HIBCH: variants seen among roughly 807,000 people sequenced by gnomAD.
HIBCH encodes the protein 3-hydroxyisobutyryl-CoA hydrolase.
In HIBCH, 50 loss-of-function variants were observed where a neutral mutation model predicts 58.2. The ratio of observed to expected loss-of-function variants is 0.86; its 90% confidence interval spans 0.68 to 1.09. HIBCH has a LOEUF of 1.09. Among genes scored for constraint, HIBCH ranks in the 50% least tolerant of loss-of-function variants. The pLI is 0.00. For missense variants in HIBCH, 450 were observed against 449.7 expected (o/e 1.00, Z -0.01); for synonymous variants, 151 against 146.9 (o/e 1.03, Z -0.20).
intron 4 of HIBCH, 30 bp from the exon 5 acceptor site, chr2:190,290,515 A>T (rs921488354): frequency 1.4e-6 from 2 of 1,418,084 alleles, no homozygotes; most frequent in African/African-American, 2.8e-5. Context: ...AATAAAAAAA[A>T]AAAGATTTAA....
downstream of HIBCH, chr2:190,199,636 C>CTCAA: frequency 9.3e-7 from 1 of 1,071,860 alleles, no homozygotes; most frequent in Non-Finnish European, 1.2e-6. Context: ...TTACATGCCA[C>CTCAA]TCAATCATAC....
chr2:190,276,848 A>T (rs1411341790), intron 6 of HIBCH, among the ~76,000 whole-genome samples: 5 of 152,218 alleles, frequency 3.3e-5, no homozygotes, highest in Non-Finnish European at 1.5e-5. Context: ...TTACCAATAT[A>T]AAAAACACTG....
intron 11 of HIBCH, among the ~76,000 whole-genome samples, chr2:190,241,887 C>T (rs945115960): frequency 2.6e-5 from 4 of 152,134 alleles, no homozygotes; most frequent in East Asian, 1.9e-4. Context: ...TCTCTGGCTG[C>T]CCTTAACATT....
downstream of HIBCH, chr2:190,200,186 A>G: frequency 1.3e-6 from 2 of 1,569,098 alleles, no homozygotes; most frequent in African/African-American, 1.4e-5. Context: ...TGGAGGTGCT[A>G]GTTTGAATAA....
At chr2:190,290,319 C>T (rs1011795208) in intron 5 of HIBCH, 86 bp downstream of exon 5, 5 of 885,574 alleles carry the variant, frequency 5.6e-6, no homozygotes, top group Non-Finnish European at 7.6e-6. Flanking sequence ...AGTAAGGATG[C>T]CTATTGATTG....
At position 190,204,235 on chromosome 2, in the gene HIBCH, T is replaced by C. The variant is rs1015114629; in HGVS notation, c.*882A>G. 6 of 152,042 alleles carry C rather than the reference T, an allele frequency of 3.9e-5. No individual in the cohort carries two copies. The highest frequency in any genetic ancestry group is 8.8e-5 in the Non-Finnish European group (6 of 67,956). The allele number at this position is 152,042 out of a possible 1,614,324, so 9.4% of individuals were successfully genotyped here. On this transcript the variant is annotated 3_prime_UTR_variant, in exon 14 of 14. Coordinates refer to ENST00000359678, the MANE Select transcript of HIBCH (RefSeq NM_014362.4). ...AAAGTCTTCTTGCTTTCAATTAATT[T>C]TTTTCTCCTGACTTGAACCTTGTTT... is the stretch of plus-strand genomic sequence containing the variant.
At chr2:190,308,301 C>T (rs1192770231) in intron 2 of HIBCH, among the ~76,000 whole-genome samples, 1 of 152,156 alleles carries the variant, frequency 6.6e-6, no homozygotes, top group Non-Finnish European at 1.5e-5. Context: ...AACTCCTCAA[C>T]CTCCATGTAT....
chr2:190,289,498 G>C (rs144291947), intron 5 of HIBCH, among the ~76,000 whole-genome samples: 1 of 152,246 alleles, frequency 6.6e-6, no homozygotes, highest in African/African-American at 2.4e-5. Context: ...GGTTGTTTTT[G>C]AGGAGGGATA....
intron 6 of HIBCH, among the ~76,000 whole-genome samples, chr2:190,261,872 G>C (rs189171215): frequency 2.7e-4 from 41 of 152,222 alleles, no homozygotes; most frequent in Non-Finnish European, 3.8e-4. Flanking sequence ...TTCTCTAAGG[G>C]AATCTGCTCT....
intron 2 of HIBCH, among the ~76,000 whole-genome samples, chr2:190,298,937 G>A (rs1266100955): frequency 6.6e-6 from 1 of 152,100 alleles, no homozygotes; most frequent in African/African-American, 2.4e-5. Context: ...TGTAAGGAAG[G>A]GGTCCAGTTT....
At chr2:190,196,996 T>G (rs1199439420) in intron 1 of HIBCH, among the ~76,000 whole-genome samples, 2 of 152,154 alleles carry the variant, frequency 1.3e-5, no homozygotes, top group Admixed American at 1.3e-4. Flanking sequence ...TGAGCATATA[T>G]GGTGTCTTGT....
At chr2:190,219,563 A>G (rs1395536291) in intron 11 of HIBCH, among the ~76,000 whole-genome samples, 1 of 152,208 alleles carries the variant, frequency 6.6e-6, no homozygotes, top group Admixed American at 6.5e-5. Flanking sequence ...AACTTAGGTC[A>G]TAAGTCAAAT....
intron 6 of HIBCH, among the ~76,000 whole-genome samples, chr2:190,264,759 G>A (rs1687185036): frequency 6.6e-6 from 1 of 152,132 alleles, no homozygotes; most frequent in South Asian, 2.1e-4. Flanking sequence ...TTCTGCATAT[G>A]TTTTGGTGCA....
chr2:190,278,724 G>A (rs1005215913), intron 6 of HIBCH, among the ~76,000 whole-genome samples: 1 of 130,182 alleles, frequency 7.7e-6, no homozygotes, highest in Non-Finnish European at 1.6e-5. Flanking sequence ...GGGCAAAAGA[G>A]TGAGACTCCA....
Position 190,192,452 on chromosome 2 carries a change from CTGTGTGTG to C in HIBCH, c.*18-2463_*18-2456del, listed in dbSNP as rs147936734. Among the ~76,000 whole-genome samples, 985 of 145,354 alleles carry C rather than the reference CTGTGTGTG, an allele frequency of 6.8e-3. 10 individuals are homozygous for C. The highest frequency in any genetic ancestry group is 0.02 in the African/African-American group (770 of 39,066). On this transcript the variant is annotated intron_variant, in intron 1 of 1. Transcript: ENST00000399855. The stretch of plus-strand genomic sequence containing the variant: ...TGTGTTTCCATGTATAATTCAGAAT[CTGTGTGTG>C]TGTGTGTGTGTGTGTGTGTGTGTGT...
chr2:190,261,452 A>G (rs1687086572), intron 6 of HIBCH, among the ~76,000 whole-genome samples: 1 of 152,186 alleles, frequency 6.6e-6, no homozygotes, highest in South Asian at 2.1e-4. Flanking sequence ...ATTTACACAT[A>G]AAGTCTGATC....
chr2:190,270,279 T>TA lies in HIBCH; in HGVS notation c.439-9046_439-9045insT, dbSNP rs1559044891. ...TTTAGTTATTACACCTTTTTTTTTT[T>TA]TAAAAAAAAAGATATTTAAGGTTAT... On this transcript the variant is annotated intron_variant, in intron 6 of 13. Transcript: ENST00000359678. 7.3e-3 allele frequency among the ~76,000 whole-genome samples: 1,079 copies of TA among 148,628 alleles called. 18 individuals carry two copies. Among genetic ancestry groups the TA allele is most frequent in the African/African-American group, 0.024 (964 of 39,352 alleles).
intron 7 of HIBCH, among the ~76,000 whole-genome samples, chr2:190,260,816 TAACTC>T (rs1687066989): frequency 6.6e-6 from 1 of 152,184 alleles, no homozygotes; most frequent in Admixed American, 6.5e-5. Flanking sequence ...ATACAAAAAT[TAACTC>T]AGAAGTGTCA....
In HIBCH at chr2:190,216,671, G is replaced by T. The variant is rs1685549751; in HGVS notation, c.892-3596C>A. On this transcript the variant is annotated intron_variant, in intron 11 of 13. Transcript: ENST00000359678. The surrounding 1 kb of genome is among the most constrained non-coding windows in gnomAD (Gnocchi z 4.2). ...ATCTAAAATGGGATTTTTAAATGCT[G>T]GTTATCAGTTCAAAAAACTTAAAAA... is the stretch of plus-strand genomic sequence containing the variant. 6.6e-6 allele frequency among the ~76,000 whole-genome samples: 1 copy of T among 152,172 alleles called. No individual in the cohort carries two copies. Among genetic ancestry groups the T allele is most frequent in the Non-Finnish European group, 1.5e-5 (1 of 68,044 alleles).
Sources: gnomAD v4.1 joint callset for allele counts (sites outside exome capture counted in the v4.1 genomes callset) on GRCh38, gnomAD v4.1.1 for gene constraint, Gnocchi (gnomAD v3.1) non-coding constraint, MANE v1.5 for transcripts, NCBI Gene and HGNC (gene_info 2026-07-23, HGNC 2026-07-21) for gene names.